PPP1R9B: variants seen among roughly 807,000 people sequenced by gnomAD.
PPP1R9B encodes protein phosphatase 1 regulatory subunit 9B.
In PPP1R9B, 17 loss-of-function variants were observed where a neutral mutation model predicts 75.8. The observed-to-expected ratio is 0.22, with a 90% CI of 0.15 to 0.34. The LOEUF (loss-of-function observed/expected upper bound fraction) is 0.34, where lower values mean the gene tolerates loss of function less well. Among genes scored for constraint, PPP1R9B ranks in the 10% least tolerant of loss-of-function variants. The pLI is 1.00. For missense variants in PPP1R9B, 875 were observed against 1,196.0 expected (o/e 0.73, Z 3.96); for synonymous variants, 509 against 535.4 (o/e 0.95, Z 0.68).
In PPP1R9B at chr17:50,135,397, G is replaced by C; in HGVS notation, c.2401-13C>G. Reference sequence around the variant, plus strand: ...CCAGTTCTGAGATCTGGAAAACAAAGGAGGGTAGGGGGTCAGGTCTGGACA... The same window carrying C: ...CCAGTTCTGAGATCTGGAAAACAAACGAGGGTAGGGGGTCAGGTCTGGACA... On this transcript the variant is annotated splice_polypyrimidine_tract_variant and intron_variant, in intron 9 of 9. Transcript: ENST00000612501. 1 of 1,613,346 alleles carries C rather than the reference G, an allele frequency of 6.2e-7. No individual in the cohort carries two copies. The highest frequency in any genetic ancestry group is 8.5e-7 in the Non-Finnish European group (1 of 1,179,458).
rs752982107 is a variant in PPP1R9B at position 50,149,607 on chromosome 17, C to G, written c.907G>C (p.Val303Leu). 6.4e-7 allele frequency: 1 copy of G among 1,557,172 alleles called. No homozygotes were observed. Among genetic ancestry groups the G allele is most frequent in the East Asian group, 2.4e-5 (1 of 41,504 alleles). ...GCCTCCGACTCCCCGCTCTCCTCCA[C>G]CTCCACCGGCTTAATCTTGCGCACC... is the stretch of plus-strand genomic sequence containing the variant. ...REVRKIKPVE[V>L]EESGESEAES... Residue 303 changes from valine (V) to leucine (L), a missense_variant, in exon 1 of 10, where the codon GTG becomes CTG. Transcript: ENST00000612501. The surrounding 1 kb of genome is among the most constrained non-coding windows in gnomAD (Gnocchi z 7.2).
At chr17:50,148,403 C>T (rs1788854159) in intron 1 of PPP1R9B, among the ~76,000 whole-genome samples, 1 of 152,210 alleles carries the variant, frequency 6.6e-6, no homozygotes, top group Admixed American at 6.5e-5. Flanking sequence ...GGATCCCAGC[C>T]CCACCTCCTC....
rs1441913550 is a variant in PPP1R9B, at chr17:50,142,935, G to A, written c.1625+663C>T. ...TGCTCTCTATGCCCCAGCCACACCT[G>A]CCTGCTCATGGCGCCACTGCCTGGA... On this transcript the variant is annotated intron_variant, in intron 3 of 9. Transcript: ENST00000612501. The surrounding 1 kb of genome is among the most constrained non-coding windows in gnomAD (Gnocchi z 4.1). 6.6e-6 allele frequency among the ~76,000 whole-genome samples: 1 copy of A among 152,140 alleles called. No homozygotes were observed. The highest frequency in any genetic ancestry group is 2.4e-5 in the African/African-American group (1 of 41,420).
At chr17:50,146,231 C>G (rs1048983743) in intron 1 of PPP1R9B, 9 of 152,344 alleles carry the variant, frequency 5.9e-5, no homozygotes, top group African/African-American at 2.2e-4. Flanking sequence ...GTGGGAATGT[C>G]TAATTCTGGG....
At position 50,140,508 on chromosome 17, in the gene PPP1R9B, T is replaced by C. The variant is rs9914809; in HGVS notation, c.1731-280A>G. 9.7e-4 allele frequency: 457 copies of C among 471,280 alleles called. 3 individuals carry two copies. Among genetic ancestry groups the C allele is most frequent in the African/African-American group, 7.9e-3 (397 of 50,290 alleles). The allele number at this position is 471,280 out of a possible 1,614,324, so 29.2% of individuals were successfully genotyped here. A position where few individuals can be genotyped will look rare whatever the true frequency, so the allele number is the denominator to read the frequency against. ...AGGCTGTGCTGCAGGGGACATGCAC[T>C]GAGGAGGCTCTTCCCCTGCCACAGG... On this transcript the variant is annotated intron_variant, in intron 4 of 9. Transcript: ENST00000612501.
At chr17:50,141,048 G>C (rs1214594244) in intron 4 of PPP1R9B, among the ~76,000 whole-genome samples, 2 of 152,176 alleles carry the variant, frequency 1.3e-5, no homozygotes, top group Non-Finnish European at 1.5e-5. Flanking sequence ...AGTGGGCCAG[G>C]AAGGCTGAGT....
chr17:50,139,300 G>C lies in PPP1R9B; in HGVS notation c.2036C>G (p.Ala679Gly). 1 of 1,613,984 alleles carries C rather than the reference G, an allele frequency of 6.2e-7. No individual in the cohort carries two copies. Among genetic ancestry groups the C allele is most frequent in the Non-Finnish European group, 8.5e-7 (1 of 1,179,870 alleles). The change falls in exon 7 of 10, where the codon GCG becomes GGG. Residue 679 changes from alanine to glycine, a missense_variant. Physicochemically the swap from Ala to Gly is moderately conservative, Grantham distance 60. Coordinates refer to ENST00000612501, the MANE Select transcript of PPP1R9B (RefSeq NM_032595.5). This position sits in a 1 kb window ranked among gnomAD's most constrained non-coding sequence, Gnocchi z 5.0. ...CTGCTGGATCTCTGCCTCAGTGACC[G>C]CATGCTTGATCTGGAGCTGTTGGGC... ...HKFKELQIKH[A>G]VTEAEIQQLK...
rs957390139 is a variant in PPP1R9B, at chr17:50,150,472, C to A, written c.42G>T (p.Arg14=). The change falls in exon 1 of 10, where the codon CGG becomes CGT. Residue 14 remains arginine, a synonymous_variant. Transcript: ENST00000612501. This position sits in a 1 kb window ranked among gnomAD's most constrained non-coding sequence, Gnocchi z 8.7. Reference sequence around the variant, plus strand: ...AGGCGCTGCGGTGCGGGGAGGCGCTCCGGAGGGGACCCCCGGGCCCCCGTG... The same window carrying A: ...AGGCGCTGCGGTGCGGGGAGGCGCTACGGAGGGGACCCCCGGGCCCCCGTG... ...TEPRGPGGPL[R]SASPHRSAYE... is the part of the protein sequence containing the mutation. 40 of 1,374,510 alleles carry A rather than the reference C, an allele frequency of 2.9e-5. No individual in the cohort carries two copies. Among genetic ancestry groups the A allele is most frequent in the Non-Finnish European group, 3.7e-5 (39 of 1,058,570 alleles). 85.1% of individuals were successfully genotyped at this position (1,374,510 alleles called of 1,614,324 possible).
intron 4 of PPP1R9B, among the ~76,000 whole-genome samples, chr17:50,141,056 A>G (rs532483000): frequency 6.6e-6 from 1 of 152,264 alleles, no homozygotes; most frequent in East Asian, 1.9e-4. Flanking sequence ...AGGAAGGCTG[A>G]GTACTGGTGG....
intron 7 of PPP1R9B, among the ~76,000 whole-genome samples, chr17:50,138,863 G>A (rs1912297175): frequency 6.6e-6 from 1 of 152,240 alleles, no homozygotes; most frequent in African/African-American, 2.4e-5. Flanking sequence ...GGCTGAAGCA[G>A]TCTGCCTTGG....
chr17:50,147,601 G>C (rs910322054), intron 1 of PPP1R9B, among the ~76,000 whole-genome samples: 1 of 152,192 alleles, frequency 6.6e-6, no homozygotes, highest in Admixed American at 6.5e-5. Context: ...ACAGTCAGAG[G>C]CCCAGACCAA....
intron 3 of PPP1R9B, among the ~76,000 whole-genome samples, chr17:50,141,662 C>CAAA (rs398058762): frequency 2.3e-5 from 2 of 85,750 alleles, no homozygotes; most frequent in African/African-American, 4.1e-5. Context: ...GACCCTGCCT[C>CAAA]AAAAAAAAAA....
chr17:50,150,651 A>C lies in PPP1R9B; in HGVS notation c.-138T>G. ...CTTTTTTAGGGTCCCCCCAAAACCA[A>C]GCTGCCAAAAACAGTTAATCCCGCT... is the stretch of plus-strand genomic sequence containing the variant. On this transcript the variant is annotated 5_prime_UTR_variant, in exon 1 of 10. Coordinates refer to ENST00000612501, the MANE Select transcript of PPP1R9B (RefSeq NM_032595.5). The surrounding 1 kb of genome is among the most constrained non-coding windows in gnomAD (Gnocchi z 8.7). The C allele has an allele frequency of 2.4e-6, 2 of 843,404 alleles. No individual in the cohort carries two copies. The highest frequency in any genetic ancestry group is 3.1e-6 in the Non-Finnish European group (2 of 635,856). 52.2% of individuals were successfully genotyped at this position (843,404 alleles called of 1,614,324 possible). A position where few individuals can be genotyped will look rare whatever the true frequency, so the allele number is the denominator to read the frequency against.
chr17:50,149,902 C>T lies in PPP1R9B; in HGVS notation c.612G>A (p.Val204=), dbSNP rs1912640324. ...CGCTGAGCTGGCTGACCGTGGGGGA[C>T]ACGGCGTCAGCGTCCAGCTTGTCCA... ...EALDKLDADA[V]SPTVSQLSAV... The change falls in exon 1 of 10, where the codon GTG becomes GTA. Residue 204 remains valine (V), a synonymous_variant. Coordinates refer to ENST00000612501, the MANE Select transcript of PPP1R9B (RefSeq NM_032595.5). This position sits in a 1 kb window ranked among gnomAD's most constrained non-coding sequence, Gnocchi z 7.2. The T allele has an allele frequency of 1.3e-6, 2 of 1,507,276 alleles. No homozygotes were observed. Among genetic ancestry groups the T allele is most frequent in the Non-Finnish European group, 8.8e-7 (1 of 1,135,282 alleles). The allele number at this position is 1,507,276 out of a possible 1,614,324, so 93.4% of individuals were successfully genotyped here.
At position 50,142,548 on chromosome 17, in the gene PPP1R9B, C is replaced by T. The variant is rs1387813721; in HGVS notation, c.1625+1050G>A. 1.3e-5 allele frequency among the ~76,000 whole-genome samples: 2 copies of T among 152,184 alleles called. No homozygotes were observed. Among genetic ancestry groups the T allele is most frequent in the African/African-American group, 2.4e-5 (1 of 41,436 alleles). ...GACAGGGCAGCCCCATCTCTAGAAA[C>T]AAGATCCCAAAGTCACCCAGATCCC... On this transcript the variant is annotated intron_variant, in intron 3 of 9. Transcript: ENST00000612501. The surrounding 1 kb of genome is among the most constrained non-coding windows in gnomAD (Gnocchi z 4.1).
chr17:50,139,767 C>T lies in PPP1R9B; in HGVS notation c.1867-186G>A, dbSNP rs1351581403. On this transcript the variant is annotated intron_variant, in intron 5 of 9. Transcript: ENST00000612501. The surrounding 1 kb of genome is among the most constrained non-coding windows in gnomAD (Gnocchi z 5.0). The stretch of plus-strand genomic sequence containing the variant: ...TGTCTTCCCCCAACAGCCTGGTAGT[C>T]CCCTGATGACAGAGGGGGTCAGTTC... Among the ~76,000 whole-genome samples the T allele has an allele frequency of 6.6e-6, 1 of 152,184 alleles. No individual in the cohort carries two copies. The highest frequency in any genetic ancestry group is 2.4e-5 in the African/African-American group (1 of 41,450).
chr17:50,141,019 G>A (rs1814854072), intron 4 of PPP1R9B, among the ~76,000 whole-genome samples: 1 of 152,160 alleles, frequency 6.6e-6, no homozygotes, highest in Admixed American at 6.5e-5. Flanking sequence ...CTAGAGGACA[G>A]TTTGGAGGGC....
Position 50,139,512 on chromosome 17 carries a change from C to T in PPP1R9B, c.1936G>A (p.Glu646Lys). 3 of 1,600,352 alleles carry T rather than the reference C, an allele frequency of 1.9e-6. No individual in the cohort carries two copies. Among genetic ancestry groups the T allele is most frequent in the Non-Finnish European group, 2.6e-6 (3 of 1,171,898 alleles). The part of the protein sequence containing the change: ...PTFPGGEMAI[E>K]VFELAENEDA... ...TCGTTCTCCGCTAGCTCAAACACCT[C>T]GATGGCCATCTCACCACCCGGGAAC... is the stretch of plus-strand genomic sequence containing the variant. The change falls in exon 6 of 10, where the codon GAG (glutamate) becomes AAG (lysine). Residue 646 changes from glutamate to lysine, a missense_variant. This residue lies in a region of PPP1R9B where 218 missense variants were observed against 334.6 expected (regional missense o/e 0.65). Transcript: ENST00000612501. This position sits in a 1 kb window ranked among gnomAD's most constrained non-coding sequence, Gnocchi z 5.0.
chr17:50,149,417 AC>A lies in PPP1R9B; in HGVS notation c.1096del (p.Val366TrpfsTer14). 6.2e-7 allele frequency: 1 copy of A among 1,607,390 alleles called. No homozygotes were observed. Among genetic ancestry groups the A allele is most frequent in the Non-Finnish European group, 8.5e-7 (1 of 1,178,074 alleles). On this transcript the variant is annotated frameshift_variant, in exon 1 of 10. Coordinates refer to ENST00000612501, the MANE Select transcript of PPP1R9B (RefSeq NM_032595.5). LOFTEE classifies it high-confidence loss of function. The surrounding 1 kb of genome is among the most constrained non-coding windows in gnomAD (Gnocchi z 7.2). ...CACGTCCGGGGCCCGGCCATTGCCCACCCCCCTCTCTGGCGGCGCTACCGCC... is the reference window on the plus strand; with the variant it reads ...CACGTCCGGGGCCCGGCCATTGCCCACCCCCTCTCTGGCGGCGCTACCGCC... The part of the protein sequence containing the change: ...AAAVAPPERG[V>X]GNGRAPDVAP...
Sources: gnomAD v4.1 joint callset for allele counts (sites outside exome capture counted in the v4.1 genomes callset) on GRCh38, gnomAD v4.1.1 for gene constraint, gnomAD v4.1.1 regional missense constraint, Gnocchi (gnomAD v3.1) non-coding constraint, MANE v1.5 for transcripts, NCBI Gene and HGNC (gene_info 2026-07-23, HGNC 2026-07-21) for gene names.